The following PHACTR2 variants were observed in gnomAD, a reference collection of about 807,000 sequenced individuals.
PHACTR2 encodes the protein chromosome 6 open reading frame 56.
In PHACTR2, 30 loss-of-function variants were observed where a neutral mutation model predicts 76.0. The ratio of observed to expected loss-of-function variants is 0.39; its 90% CI spans 0.30 to 0.54. The LOEUF (loss-of-function observed/expected upper bound fraction) is 0.54. Ranked by LOEUF, PHACTR2 falls within the 20% of genes least tolerant of loss-of-function variation. PHACTR2 has a pLI of 0.61. For missense variants in PHACTR2, 696 were observed against 781.1 expected (o/e 0.89, Z 1.30); for synonymous variants, 292 against 292.5 (o/e 1.00, Z 0.02).
chr6:143,716,913 G>T (rs1348860857), intron 2 of PHACTR2, among the ~76,000 whole-genome samples: 2 of 151,030 alleles, frequency 1.3e-5, no homozygotes, highest in Non-Finnish European at 3.0e-5. Flanking sequence ...GGTGGGCAGA[G>T]CACCCGTCTC....
rs1335120881 is a variant in PHACTR2, at chr6:143,783,571, A to G, written c.1707+291A>G. On this transcript the variant is annotated intron_variant, in intron 10 of 12. Coordinates refer to ENST00000440869, the MANE Select transcript of PHACTR2 (RefSeq NM_001100164.2). This position sits in a 1 kb window ranked among gnomAD's most constrained non-coding sequence, Gnocchi z 5.2. ...GAGGCAGAGGTTGCTGTGACCTGAT[A>G]TCGTGCCACTGCACTCCAGGCTGGG... is the stretch of plus-strand genomic sequence containing the variant. 6.6e-6 allele frequency among the ~76,000 whole-genome samples: 1 copy of G among 152,214 alleles called. No individual in the cohort carries two copies.
intron 2 of PHACTR2, among the ~76,000 whole-genome samples, chr6:143,719,503 C>A (rs1182264493): frequency 5.3e-5 from 8 of 150,208 alleles, no homozygotes; most frequent in African/African-American, 2.0e-4. Context: ...GCATGCACCA[C>A]CACACCCAGC....
rs1000910795 is a variant in PHACTR2 at position 143,679,682 on chromosome 6, T to C, written c.46+1473T>C. Among the ~76,000 whole-genome samples, 1 of 152,270 alleles carries C rather than the reference T, an allele frequency of 6.6e-6. No homozygotes were observed. The highest frequency in any genetic ancestry group is 2.1e-4 in the South Asian group (1 of 4,826). The stretch of plus-strand genomic sequence containing the variant: ...GAATATTAGAAAAGCAAATTTTGCC[T>C]TAATAAAAATCAAGGAATATTATAT... On this transcript the variant is annotated intron_variant, in intron 1 of 12. Coordinates refer to ENST00000440869, the MANE Select transcript of PHACTR2 (RefSeq NM_001100164.2). This position sits in a 1 kb window ranked among gnomAD's most constrained non-coding sequence, Gnocchi z 4.6.
chr6:143,650,680 C>T (rs945441442), intron 1 of PHACTR2, among the ~76,000 whole-genome samples: 64 of 152,224 alleles, frequency 4.2e-4, no homozygotes, highest in African/African-American at 1.4e-3. Flanking sequence ...GAAAAATCAA[C>T]TCAAGATGGA....
rs914296979 is a variant in PHACTR2, at chr6:143,767,782, C to T, written c.1232+1984C>T. Among the ~76,000 whole-genome samples the T allele has an allele frequency of 6.6e-6, 1 of 152,150 alleles. No homozygotes were observed. The highest frequency in any genetic ancestry group is 1.5e-5 in the Non-Finnish European group (1 of 68,020). ...GGCAGAGCCTTCATGACTTAAACACCTCCCACTAGGCCCTACCTCTCAACA... is the reference window on the plus strand; with the variant it reads ...GGCAGAGCCTTCATGACTTAAACACTTCCCACTAGGCCCTACCTCTCAACA... On this transcript the variant is annotated intron_variant, in intron 6 of 12. Transcript: ENST00000440869. The surrounding 1 kb of genome is among the most constrained non-coding windows in gnomAD (Gnocchi z 4.4).
intron 1 of PHACTR2, among the ~76,000 whole-genome samples, chr6:143,566,873 A>C (rs13211390): frequency 6.6e-6 from 1 of 151,242 alleles, no homozygotes. Flanking sequence ...ACTAAAAAAA[A>C]TTTAACATTA....
At chr6:143,734,766 A>C (rs1778780354) in intron 2 of PHACTR2, among the ~76,000 whole-genome samples, 1 of 152,168 alleles carries the variant, frequency 6.6e-6, no homozygotes, top group African/African-American at 2.4e-5. Flanking sequence ...GTATTGCTTT[A>C]AGAGAAGATC....
Position 143,548,621 on chromosome 6 carries a change from C to T in PHACTR2, c.217+11414C>T, listed in dbSNP as rs138763480. Among the ~76,000 whole-genome samples, 1 of 152,160 alleles carries T rather than the reference C, an allele frequency of 6.6e-6. No homozygotes were observed. Among genetic ancestry groups the T allele is most frequent in the African/African-American group, 2.4e-5 (1 of 41,548 alleles). On this transcript the variant is annotated intron_variant, in intron 1 of 11. Coordinates refer to the PHACTR2 transcript ENST00000367584. This position sits in a 1 kb window ranked among gnomAD's most constrained non-coding sequence, Gnocchi z 4.5. ...TGGACAGAGACCACTGGGGTGTATT[C>T]TTGCAGGTGTGGAGAGCACAGTTCC...
chr6:143,684,318 A>G lies in PHACTR2; in HGVS notation c.46+6109A>G, dbSNP rs538708429. Among the ~76,000 whole-genome samples the G allele has an allele frequency of 6.0e-4, 92 of 152,082 alleles. No homozygotes were observed. The highest frequency in any genetic ancestry group is 1.1e-3 in the Non-Finnish European group (74 of 67,976). ...TCACCAAATGATACCCCAACCACTC[A>G]CTTATTCTAGCCCAAGATCTAGGAG... On this transcript the variant is annotated intron_variant, in intron 1 of 12. Transcript: ENST00000440869. The surrounding 1 kb of genome is among the most constrained non-coding windows in gnomAD (Gnocchi z 4.3).
intron 1 of PHACTR2, among the ~76,000 whole-genome samples, chr6:143,609,252 A>G (rs948016763): frequency 5.3e-5 from 8 of 152,232 alleles, no homozygotes; most frequent in African/African-American, 1.9e-4. Context: ...AAATTGAGCT[A>G]GTTCAGTCCT....
At chr6:143,706,573 T>C (rs1562276908) in intron 1 of PHACTR2, among the ~76,000 whole-genome samples, 1 of 152,218 alleles carries the variant, frequency 6.6e-6, no homozygotes, top group African/African-American at 2.4e-5. Context: ...GCCACTCCCG[T>C]ACTTCCTTGT....
Position 143,783,181 on chromosome 6 carries a change from A to G in PHACTR2, c.1646-38A>G. ...CTTTTCTGAATATGAAATCATCTAT[A>G]GTAACTGTCATCACGACTTTCCTCC... is the stretch of plus-strand genomic sequence containing the variant. On this transcript the variant is annotated intron_variant, in intron 9 of 12. Transcript: ENST00000440869. The surrounding 1 kb of genome is among the most constrained non-coding windows in gnomAD (Gnocchi z 5.2). 1 of 1,280,764 alleles carries G rather than the reference A, an allele frequency of 7.8e-7. No individual in the cohort carries two copies. 79.3% of individuals were successfully genotyped at this position (1,280,764 alleles called of 1,614,324 possible).
rs1412030933 is a variant in PHACTR2 at position 143,648,673 on chromosome 6, A to T, written c.13+40351A>T. On this transcript the variant is annotated intron_variant, in intron 1 of 11. Transcript: ENST00000305766. The surrounding 1 kb of genome is among the most constrained non-coding windows in gnomAD (Gnocchi z 6.7). Reference sequence around the variant, plus strand: ...GATACTGTAAATGTGGCATGCTAGCATAGGGGAAAGTGTAATTCAGACAGG... The same window carrying T: ...GATACTGTAAATGTGGCATGCTAGCTTAGGGGAAAGTGTAATTCAGACAGG... Among the ~76,000 whole-genome samples the T allele has an allele frequency of 6.6e-6, 1 of 152,184 alleles. No homozygotes were observed. The highest frequency in any genetic ancestry group is 2.4e-5 in the African/African-American group (1 of 41,440).
rs571749409 is a variant in PHACTR2 at position 143,742,746 on chromosome 6, A to AGGT, written c.215-6238_215-6236dup. Among the ~76,000 whole-genome samples the AGGT allele has an allele frequency of 2.0e-4, 31 of 152,332 alleles. No homozygotes were observed. The highest frequency in any genetic ancestry group is 1.2e-3 in the South Asian group (6 of 4,834). ...CCTCCTTCCCCCCAAAAAGACACTT[A>AGGT]GGTCCCCAATATCTACTCTGTGCGA... On this transcript the variant is annotated intron_variant, in intron 2 of 12. Transcript: ENST00000440869. The surrounding 1 kb of genome is among the most constrained non-coding windows in gnomAD (Gnocchi z 4.5).
At chr6:143,669,549 G>C (rs2128450386) in intron 1 of PHACTR2, among the ~76,000 whole-genome samples, 1 of 152,130 alleles carries the variant, frequency 6.6e-6, no homozygotes. Flanking sequence ...TATAAATCAG[G>C]GTGCTCCTAT....
At position 143,625,305 on chromosome 6, in the gene PHACTR2, T is replaced by C. The variant is rs1010438681; in HGVS notation, c.13+16983T>C. ...CAGAATTCTTATTTATTGTGAGATATATCAAATTTTTACTTGGTGATTCAG... is the reference window on the plus strand; with the variant it reads ...CAGAATTCTTATTTATTGTGAGATACATCAAATTTTTACTTGGTGATTCAG... On this transcript the variant is annotated intron_variant, in intron 1 of 11. Transcript: ENST00000305766. This position sits in a 1 kb window ranked among gnomAD's most constrained non-coding sequence, Gnocchi z 4.3. 2.6e-5 allele frequency among the ~76,000 whole-genome samples: 4 copies of C among 152,220 alleles called. No homozygotes were observed.
chr6:143,806,696 G>T lies in PHACTR2; in HGVS notation c.1846-361G>T, dbSNP rs1369084515. Among the ~76,000 whole-genome samples, 1 of 152,190 alleles carries T rather than the reference G, an allele frequency of 6.6e-6. No homozygotes were observed. ...AAGCTCAGTATGGTGGCTCATGCCT[G>T]TAATTTCAGCACTTTGAGAAACTGA... is the stretch of plus-strand genomic sequence containing the variant. On this transcript the variant is annotated intron_variant, in intron 11 of 12. Coordinates refer to ENST00000440869, the MANE Select transcript of PHACTR2 (RefSeq NM_001100164.2). This position sits in a 1 kb window ranked among gnomAD's most constrained non-coding sequence, Gnocchi z 5.8.
rs929845663 is a variant in PHACTR2, at chr6:143,550,803, C to T, written c.217+13596C>T. Among the ~76,000 whole-genome samples the T allele has an allele frequency of 6.6e-6, 1 of 151,954 alleles. No homozygotes were observed. The highest frequency in any genetic ancestry group is 1.5e-5 in the Non-Finnish European group (1 of 67,930). ...CCTGTAATCCTAGCACTTTAGGAGG[C>T]CTAGGAGGGCAGATCATTTGAGCCC... On this transcript the variant is annotated intron_variant, in intron 1 of 11. Transcript: ENST00000367584. This position sits in a 1 kb window ranked among gnomAD's most constrained non-coding sequence, Gnocchi z 4.8.
rs1311471678 is a variant in PHACTR2, at chr6:143,767,458, T to C, written c.1232+1660T>C. Among the ~76,000 whole-genome samples, 2 of 152,236 alleles carry C rather than the reference T, an allele frequency of 1.3e-5. No homozygotes were observed. ...AAATTACAAATTAATTTATTTTCTT[T>C]GTTTGACATTTTAATAAAAGATATG... is the stretch of plus-strand genomic sequence containing the variant. On this transcript the variant is annotated intron_variant, in intron 6 of 12. Coordinates refer to ENST00000440869, the MANE Select transcript of PHACTR2 (RefSeq NM_001100164.2). This position sits in a 1 kb window ranked among gnomAD's most constrained non-coding sequence, Gnocchi z 4.4.
Sources: gnomAD v4.1 joint callset for allele counts (sites outside exome capture counted in the v4.1 genomes callset) on GRCh38, gnomAD v4.1.1 for gene constraint, Gnocchi (gnomAD v3.1) non-coding constraint, MANE v1.5 for transcripts, NCBI Gene and HGNC (gene_info 2026-07-23, HGNC 2026-07-21) for gene names.